The following LSAMP variants were observed in gnomAD, a reference collection of about 807,000 sequenced individuals.
The protein encoded by LSAMP is limbic system-associated membrane protein.
LSAMP carries 7 observed loss-of-function variants against 38.6 expected under a neutral mutation model. That is an observed-to-expected ratio of 0.18 (90% CI 0.10 to 0.34). The LOEUF is 0.34. LSAMP is among the 10% of genes least tolerant of loss of function. The probability of loss-of-function intolerance (pLI) is 1.00; values close to 1 mark genes in which losing one functional copy is unlikely to be tolerated. For synonymous variants in LSAMP, 154 were observed against 166.8 expected (o/e 0.92, Z 0.59); for missense variants, 313 against 420.0 (o/e 0.75, Z 2.23).
At chr3:116,226,458 T>G (rs182590493) in intron 1 of LSAMP, among the ~76,000 whole-genome samples, 3 of 152,352 alleles carry the variant, frequency 2.0e-5, no homozygotes, top group Admixed American at 1.3e-4. Context: ...ATCTGTTTGC[T>G]CTGTTTTATC....
chr3:116,353,226 G>T (rs1486064221), intron 1 of LSAMP, among the ~76,000 whole-genome samples: 2 of 151,966 alleles, frequency 1.3e-5, no homozygotes. Context: ...GAAATATGAC[G>T]AAGTTATAAA....
chr3:116,339,617 G>C (rs2047966660), intron 1 of LSAMP, among the ~76,000 whole-genome samples: 1 of 151,960 alleles, frequency 6.6e-6, no homozygotes, highest in African/African-American at 2.4e-5. Context: ...GCACAGAGGA[G>C]GTGATACTCG....
intron 3 of LSAMP, among the ~76,000 whole-genome samples, chr3:115,971,906 T>G (rs1939031839): frequency 6.6e-6 from 1 of 152,166 alleles, no homozygotes; most frequent in Non-Finnish European, 1.5e-5. Context: ...CTTATATTAT[T>G]TTCTTTTATT....
chr3:116,174,171 C>T (rs2107558275), intron 1 of LSAMP, among the ~76,000 whole-genome samples: 1 of 152,096 alleles, frequency 6.6e-6, no homozygotes. Context: ...TGAGCTGCCA[C>T]TGCAATTAGT....
intron 6 of LSAMP, among the ~76,000 whole-genome samples, chr3:115,827,688 T>C (rs1934468501): frequency 6.6e-6 from 1 of 152,140 alleles, no homozygotes; most frequent in African/African-American, 2.4e-5. Flanking sequence ...ATAAATGACT[T>C]GTAAGGTCTC....
intron 1 of LSAMP, among the ~76,000 whole-genome samples, chr3:116,203,645 C>T (rs553402909): frequency 9.5e-5 from 14 of 147,662 alleles, no homozygotes; most frequent in East Asian, 6.1e-4. Flanking sequence ...TGAGAATATG[C>T]GGTGTTTGGT....
intron 1 of LSAMP, among the ~76,000 whole-genome samples, chr3:116,169,695 C>T (rs1710149082): frequency 6.6e-6 from 1 of 152,184 alleles, no homozygotes; most frequent in African/African-American, 2.4e-5. Context: ...AAGCCACACC[C>T]TCCAAAGACA....
intron 3 of LSAMP, among the ~76,000 whole-genome samples, chr3:115,957,681 T>G (rs1938495155): frequency 6.6e-6 from 1 of 152,238 alleles, no homozygotes; most frequent in Non-Finnish European, 1.5e-5. Context: ...TCAATGAATG[T>G]AATGATTCTC....
intron 1 of LSAMP, among the ~76,000 whole-genome samples, chr3:116,367,096 C>T (rs781591095): frequency 4.6e-5 from 7 of 152,084 alleles, no homozygotes; most frequent in African/African-American, 7.2e-5. Context: ...CATTCCATAA[C>T]GATCGATCAG....
chr3:115,878,295 A>C (rs550044467), intron 3 of LSAMP, among the ~76,000 whole-genome samples: 1 of 152,132 alleles, frequency 6.6e-6, no homozygotes, highest in African/African-American at 2.4e-5. Flanking sequence ...GCCTACTACC[A>C]CTGGTTATGG....
At chr3:115,905,371 T>G (rs1485047947) in intron 3 of LSAMP, among the ~76,000 whole-genome samples, 2 of 152,064 alleles carry the variant, frequency 1.3e-5, no homozygotes, top group South Asian at 4.1e-4. Flanking sequence ...CATTCTTCAG[T>G]GCACAGACAC....
At chr3:116,392,737 A>C (rs1162368592) in intron 1 of LSAMP, among the ~76,000 whole-genome samples, 1 of 152,202 alleles carries the variant, frequency 6.6e-6, no homozygotes, top group Admixed American at 6.5e-5. Context: ...GGGCCTGCCC[A>C]TGGTCACCCA....
chr3:116,103,024 T>C (rs994856057), intron 1 of LSAMP, among the ~76,000 whole-genome samples: 3 of 152,172 alleles, frequency 2.0e-5, no homozygotes, highest in African/African-American at 7.2e-5. Context: ...AAAACTTTAC[T>C]AAAGGAAGTT....
chr3:116,251,158 T>G (rs2046679843), intron 1 of LSAMP, among the ~76,000 whole-genome samples: 1 of 152,224 alleles, frequency 6.6e-6, no homozygotes, highest in African/African-American at 2.4e-5. Context: ...TCCCTCCCAT[T>G]TGGACAGATT....
At chr3:115,871,668 C>G (rs1936042901) in intron 3 of LSAMP, among the ~76,000 whole-genome samples, 1 of 151,280 alleles carries the variant, frequency 6.6e-6, no homozygotes, top group East Asian at 1.9e-4. Context: ...AGATAGAGGG[C>G]TTCAACCTCC....
At chr3:115,830,112 A>G (rs900012643) in intron 6 of LSAMP, among the ~76,000 whole-genome samples, 1 of 152,216 alleles carries the variant, frequency 6.6e-6, no homozygotes, top group African/African-American at 2.4e-5. Context: ...CAATGCAAGT[A>G]ATTATCCATG....
At chr3:116,437,732 C>T (rs1325055256) in intron 1 of LSAMP, among the ~76,000 whole-genome samples, 1 of 151,452 alleles carries the variant, frequency 6.6e-6, no homozygotes, top group Non-Finnish European at 1.5e-5. Context: ...TTTAAGGATA[C>T]ATTTATGTAT....
At chr3:116,278,637 T>A (rs2047084674) in intron 1 of LSAMP, among the ~76,000 whole-genome samples, 1 of 152,146 alleles carries the variant, frequency 6.6e-6, no homozygotes, top group South Asian at 2.1e-4. Context: ...TGGCCTTAGA[T>A]AATGACAGGA....
At chr3:116,231,438 A>C (rs1354792171) in intron 1 of LSAMP, among the ~76,000 whole-genome samples, 1 of 152,174 alleles carries the variant, frequency 6.6e-6, no homozygotes, top group African/African-American at 2.4e-5. Context: ...TTAAATTAGC[A>C]CAATGGCTAG....
Sources: gnomAD v4.1 joint callset for allele counts (sites outside exome capture counted in the v4.1 genomes callset) on GRCh38, gnomAD v4.1.1 for gene constraint, MANE v1.5 for transcripts, NCBI Gene and HGNC (gene_info 2026-07-23, HGNC 2026-07-21) for gene names.